Variants in NIM1K observed in about 807,000 individuals in gnomAD.
NIM1K encodes serine/threonine-protein kinase NIM1.
A neutral mutation model predicts 37.1 loss-of-function variants in NIM1K; 35 were observed. That is an observed-to-expected ratio of 0.94 (90% CI 0.72 to 1.25). The LOEUF is 1.25. NIM1K is among the 50% of genes most tolerant of loss of function. NIM1K has a pLI of 0.00. For missense variants in NIM1K, 564 were observed against 548.0 expected (o/e 1.03, Z -0.29); for synonymous variants, 234 against 206.6 (o/e 1.13, Z -1.14).
At chr5:43,194,253 A>AG (rs986550681) in intron 1 of NIM1K, among the ~76,000 whole-genome samples, 6 of 152,128 alleles carry the variant, frequency 3.9e-5, no homozygotes, top group Non-Finnish European at 5.9e-5. Flanking sequence ...GGGAGAATGT[A>AG]GGGGGGGATT....
In NIM1K at chr5:43,213,261, TTG is replaced by T. The variant is rs1222455108; in HGVS notation, c.-695+20852_-695+20853del. Among the ~76,000 whole-genome samples the T allele has an allele frequency of 1.3e-4, 19 of 150,534 alleles. 2 individuals are homozygous for T. Among genetic ancestry groups the T allele is most frequent in the African/African-American group, 4.2e-4 (17 of 40,906 alleles). On this transcript the variant is annotated intron_variant, in intron 1 of 3. Coordinates refer to ENST00000326035, the MANE Select transcript of NIM1K (RefSeq NM_153361.4). The stretch of plus-strand genomic sequence containing the variant: ...TCCTTTCTTTCTTTCTTGTTCTTTC[TTG>T]TTTCTTTTTCTTTCTTGTTTCCTTT...
intron 2 of NIM1K, among the ~76,000 whole-genome samples, chr5:43,253,644 A>C (rs1238827419): frequency 6.6e-6 from 1 of 151,480 alleles, no homozygotes; most frequent in Non-Finnish European, 1.5e-5. Context: ...TCATTTAGGT[A>C]TTGGAAAGCT....
intron 1 of NIM1K, among the ~76,000 whole-genome samples, chr5:43,241,610 T>C (rs537357267): frequency 1.3e-5 from 2 of 152,150 alleles, no homozygotes; most frequent in Admixed American, 1.3e-4. Context: ...AGTGCTGGGA[T>C]TACAGGAGTG....
intron 1 of NIM1K, among the ~76,000 whole-genome samples, chr5:43,219,763 C>T (rs1245869219): frequency 1.3e-5 from 2 of 152,006 alleles, no homozygotes; most frequent in Admixed American, 6.6e-5. Flanking sequence ...CTCTGTCGCC[C>T]ACAGGCTGGA....
intron 2 of NIM1K, among the ~76,000 whole-genome samples, chr5:43,256,585 C>T (rs147599339): frequency 1.2e-3 from 188 of 152,270 alleles, no homozygotes; most frequent in African/African-American, 4.0e-3. Flanking sequence ...CCCATTCCCC[C>T]TTGGGCCTTA....
intron 1 of NIM1K, among the ~76,000 whole-genome samples, chr5:43,198,354 G>C (rs1410307426): frequency 8.5e-6 from 1 of 117,136 alleles, no homozygotes; most frequent in Non-Finnish European, 1.8e-5. Context: ...CTTTCTTTCT[G>C]TCTTGCTCTC....
At chr5:43,269,194 C>T (rs1753216246) in intron 2 of NIM1K, among the ~76,000 whole-genome samples, 1 of 150,512 alleles carries the variant, frequency 6.6e-6, no homozygotes, top group Non-Finnish European at 1.5e-5. Flanking sequence ...CCTGTAATCC[C>T]AGCTACTCAG....
chr5:43,272,753 AT>A (rs1380382934), intron 2 of NIM1K, among the ~76,000 whole-genome samples: 1 of 152,198 alleles, frequency 6.6e-6, no homozygotes, highest in African/African-American at 2.4e-5. Context: ...ATACTTAATA[AT>A]TGGAAGATTT....
At chr5:43,272,374 T>C (rs1321080991) in intron 2 of NIM1K, among the ~76,000 whole-genome samples, 2 of 151,944 alleles carry the variant, frequency 1.3e-5, no homozygotes, top group Non-Finnish European at 2.9e-5. Context: ...CTGGCACTTT[T>C]CCCCCTAAGC....
At chr5:43,211,328 G>T (rs554506627) in intron 1 of NIM1K, among the ~76,000 whole-genome samples, 1 of 152,284 alleles carries the variant, frequency 6.6e-6, no homozygotes, top group African/African-American at 2.4e-5. Flanking sequence ...GACAGTGAAA[G>T]GTTCTGGTCT....
chr5:43,245,894 GA>G lies in NIM1K; in HGVS notation c.120del (p.Gln41SerfsTer5). 6.2e-7 allele frequency: 1 copy of G among 1,614,154 alleles called. No homozygotes were observed. On this transcript the variant is annotated frameshift_variant, in exon 2 of 4. Transcript: ENST00000326035. LOFTEE classifies it high-confidence loss of function. ...GAGAGTAGCAAGGAGGGTGAGGAGGGACAGCCCCGCCAGCTGACGCCCTTCG... is the reference window on the plus strand; with the variant it reads ...GAGAGTAGCAAGGAGGGTGAGGAGGGCAGCCCCGCCAGCTGACGCCCTTCG... ...QTESSKEGEE[G>X]QPRQLTPFEK...
At chr5:43,268,504 A>T (rs1337065585) in intron 2 of NIM1K, among the ~76,000 whole-genome samples, 1 of 152,074 alleles carries the variant, frequency 6.6e-6, no homozygotes, top group East Asian at 1.9e-4. Flanking sequence ...GGGCCACAGG[A>T]GTGGTTGGTG....
intron 2 of NIM1K, among the ~76,000 whole-genome samples, chr5:43,257,782 C>T (rs1322991549): frequency 2.7e-5 from 4 of 148,734 alleles, no homozygotes; most frequent in Admixed American, 1.3e-4. Context: ...TTTTAAGCCT[C>T]TCATGGTGGC....
At chr5:43,264,461 T>C (rs1753089149) in intron 2 of NIM1K, among the ~76,000 whole-genome samples, 1 of 152,228 alleles carries the variant, frequency 6.6e-6, no homozygotes, top group Admixed American at 6.5e-5. Context: ...TTTTTCTGTT[T>C]TCCATTTGCT....
intron 1 of NIM1K, among the ~76,000 whole-genome samples, chr5:43,199,204 A>AAAAATATATATAT (rs1200134957): frequency 1.1e-5 from 1 of 94,072 alleles, no homozygotes. Flanking sequence ...AAAAAAAAAA[A>AAAAATATATATAT]ATATATATAT....
chr5:43,269,588 T>C (rs1203083783), intron 2 of NIM1K, among the ~76,000 whole-genome samples: 1 of 88,132 alleles, frequency 1.1e-5, no homozygotes, highest in Non-Finnish European at 2.5e-5. Flanking sequence ...TGGATCCTTT[T>C]GTGTGTGTGT....
rs149378722 is a variant in NIM1K, at chr5:43,280,773, C to G, written c.*44C>G. 1,447 of 1,484,080 alleles carry G rather than the reference C, an allele frequency of 9.8e-4. 10 individuals are homozygous for G. The highest frequency in any genetic ancestry group is 4.8e-3 in the East Asian group (211 of 43,518). 91.9% of individuals were successfully genotyped at this position (1,484,080 alleles called of 1,614,324 possible). On this transcript the variant is annotated 3_prime_UTR_variant, in exon 4 of 4. Coordinates refer to ENST00000326035, the MANE Select transcript of NIM1K (RefSeq NM_153361.4). ...TAACTAACCAAGATGATTGTTGCTG[C>G]TTCTAAATTTTTTTCAAGGACAACT...
intron 1 of NIM1K, among the ~76,000 whole-genome samples, chr5:43,198,201 T>C (rs866425620): frequency 4.4e-4 from 24 of 54,848 alleles, no homozygotes; most frequent in East Asian, 2.4e-3. Flanking sequence ...CTTTCTTTCT[T>C]TCTTTCTCTT....
chr5:43,274,706 T>A (rs1753312282), intron 2 of NIM1K, among the ~76,000 whole-genome samples: 1 of 152,196 alleles, frequency 6.6e-6, no homozygotes, highest in African/African-American at 2.4e-5. Flanking sequence ...CCGCTCAGTA[T>A]TGCCTCCTGC....
Sources: gnomAD v4.1 joint callset for allele counts (sites outside exome capture counted in the v4.1 genomes callset) on GRCh38, gnomAD v4.1.1 for gene constraint, MANE v1.5 for transcripts, NCBI Gene and HGNC (gene_info 2026-07-23, HGNC 2026-07-21) for gene names.